The following TENM2 variants were observed in gnomAD, a reference collection of about 807,000 sequenced individuals.
The protein encoded by TENM2 is teneurin-2.
A neutral mutation model predicts 245.2 loss-of-function variants in TENM2; 52 were observed. The observed-to-expected ratio is 0.21, with a 90% CI of 0.17 to 0.27. TENM2 has a LOEUF of 0.27. Among genes scored for constraint, TENM2 ranks in the 10% least tolerant of loss-of-function variants. TENM2 has a pLI of 1.00. For synonymous variants in TENM2, 1,363 were observed against 1,438.9 expected (o/e 0.95, Z 1.19); for missense variants, 3,046 against 3,666.8 (o/e 0.83, Z 4.37).
chr5:168,237,126 C>T (rs1321146794), intron 25 of TENM2, among the ~76,000 whole-genome samples: 4 of 142,722 alleles, frequency 2.8e-5, no homozygotes, highest in Middle Eastern at 7.4e-3. Flanking sequence ...AGCCATTCTC[C>T]TGCCTCAGCC....
intron 23 of TENM2, among the ~76,000 whole-genome samples, chr5:168,222,578 T>C (rs1264746263): frequency 1.3e-5 from 2 of 152,162 alleles, no homozygotes; most frequent in Non-Finnish European, 2.9e-5. Flanking sequence ...TCCTGGGAAG[T>C]GAAGAGCTGG....
chr5:167,548,621 T>C (rs1299145224), intron 2 of TENM2, among the ~76,000 whole-genome samples: 1 of 152,124 alleles, frequency 6.6e-6, no homozygotes, highest in Non-Finnish European at 1.5e-5. Flanking sequence ...TTTTGTTTCA[T>C]TCTACAAGGG....
the TENM2 span, among the ~76,000 whole-genome samples, chr5:166,990,151 C>CT: frequency 6.6e-6 from 1 of 152,022 alleles, no homozygotes; most frequent in Non-Finnish European, 1.5e-5. Context: ...AACTGCATTT[C>CT]TTTTTTCTGT....
intron 2 of TENM2, among the ~76,000 whole-genome samples, chr5:167,706,570 T>C (rs1758539323): frequency 6.6e-6 from 1 of 152,002 alleles, no homozygotes; most frequent in Non-Finnish European, 1.5e-5. Flanking sequence ...AGCACAAATA[T>C]CTCTTTAAGA....
At chr5:168,258,318 G>A (rs1389898997) in intron 27 of TENM2, among the ~76,000 whole-genome samples, 1 of 151,972 alleles carries the variant, frequency 6.6e-6, no homozygotes, top group Non-Finnish European at 1.5e-5. Flanking sequence ...TGGCTAACAT[G>A]GTGAAACCCT....
intron 1 of TENM2, among the ~76,000 whole-genome samples, chr5:167,323,007 A>C (rs1338250744): frequency 6.6e-6 from 1 of 152,210 alleles, no homozygotes; most frequent in Admixed American, 6.5e-5. Flanking sequence ...AAAAATGTAA[A>C]ACTGTCGCAG....
At chr5:167,602,361 A>G (rs1776697091) in intron 2 of TENM2, among the ~76,000 whole-genome samples, 1 of 152,176 alleles carries the variant, frequency 6.6e-6, no homozygotes, top group South Asian at 2.1e-4. Flanking sequence ...GCCATCTGCA[A>G]GACAGAACGA....
At position 167,575,168 on chromosome 5, in the gene TENM2, A is replaced by C. The variant is rs558772157; in HGVS notation, c.502+199695A>C. 8.0e-4 allele frequency among the ~76,000 whole-genome samples: 122 copies of C among 151,968 alleles called. 3 individuals carry two copies. The highest frequency in any genetic ancestry group is 3.5e-4 in the Non-Finnish European group (24 of 67,950). Reference sequence around the variant, plus strand: ...CCACCTCTGATTAGCCAAGTTTCTAATTAAGGATAACAGAAATCCAGATTA... The same window carrying C: ...CCACCTCTGATTAGCCAAGTTTCTACTTAAGGATAACAGAAATCCAGATTA... On this transcript the variant is annotated intron_variant, in intron 2 of 28. Coordinates refer to ENST00000518659, the Ensembl canonical transcript of TENM2.
At chr5:167,530,260 G>A (rs1298979555) in intron 2 of TENM2, among the ~76,000 whole-genome samples, 2 of 152,162 alleles carry the variant, frequency 1.3e-5, no homozygotes, top group Admixed American at 6.5e-5. Flanking sequence ...GATAACTTGA[G>A]AAAGACTGTT....
chr5:167,535,784 T>C (rs1230953048), intron 2 of TENM2, among the ~76,000 whole-genome samples: 2 of 152,356 alleles, frequency 1.3e-5, no homozygotes, highest in Middle Eastern at 3.4e-3. Flanking sequence ...TAAGTTTCTA[T>C]TCTTTATAAA....
chr5:168,197,377 A>C (rs937108523), intron 15 of TENM2, among the ~76,000 whole-genome samples: 2 of 152,110 alleles, frequency 1.3e-5, no homozygotes, highest in Non-Finnish European at 2.9e-5. Context: ...TGAAGGGAGC[A>C]AGACAGACAG....
chr5:167,974,015 G>GGAA (rs1782018907), intron 4 of TENM2, among the ~76,000 whole-genome samples: 1 of 72,928 alleles, frequency 1.4e-5, no homozygotes, highest in African/African-American at 8.6e-5. Context: ...GAGGGAGGGA[G>GGAA]GGAGGGAGGA....
chr5:166,998,511 A>G, the TENM2 span, among the ~76,000 whole-genome samples: 1 of 152,212 alleles, frequency 6.6e-6, no homozygotes, highest in African/African-American at 2.4e-5. Flanking sequence ...ATAGAGGGAA[A>G]GAGGACTATG....
intron 2 of TENM2, among the ~76,000 whole-genome samples, chr5:167,375,924 A>G (rs1236773566): frequency 2.6e-5 from 4 of 152,132 alleles, no homozygotes; most frequent in Admixed American, 2.0e-4. Context: ...AATGCCTCAT[A>G]TCCGTATTGA....
chr5:167,472,722 C>G (rs774568122), intron 2 of TENM2, among the ~76,000 whole-genome samples: 1 of 152,114 alleles, frequency 6.6e-6, no homozygotes, highest in African/African-American at 2.4e-5. Flanking sequence ...AAAAAACCTT[C>G]GTGCTAAACA....
At chr5:167,386,688 A>G (rs928364913) in intron 2 of TENM2, among the ~76,000 whole-genome samples, 1 of 152,170 alleles carries the variant, frequency 6.6e-6, no homozygotes, top group Non-Finnish European at 1.5e-5. Flanking sequence ...ATGATTTTGT[A>G]TAAGATGAGA....
chr5:167,608,719 G>A (rs1295793691), intron 2 of TENM2, among the ~76,000 whole-genome samples: 1 of 152,142 alleles, frequency 6.6e-6, no homozygotes, highest in African/African-American at 2.4e-5. Flanking sequence ...GTGTCTCACA[G>A]GAGCCTACAG....
intron 2 of TENM2, among the ~76,000 whole-genome samples, chr5:167,533,009 T>A (rs926376581): frequency 1.3e-5 from 2 of 152,226 alleles, no homozygotes; most frequent in East Asian, 3.9e-4. Flanking sequence ...AACTTTCAGA[T>A]CTTCCTCCTA....
At chr5:167,253,151 C>T in the TENM2 span, among the ~76,000 whole-genome samples, 25 of 151,768 alleles carry the variant, frequency 1.6e-4, no homozygotes, top group African/African-American at 6.1e-4. Flanking sequence ...AGTGCAGTGG[C>T]ACAATCTTGG....
Sources: gnomAD v4.1 joint callset for allele counts (sites outside exome capture counted in the v4.1 genomes callset) on GRCh38, gnomAD v4.1.1 for gene constraint, MANE v1.5 for transcripts, NCBI Gene and HGNC (gene_info 2026-07-23, HGNC 2026-07-21) for gene names.